UQCC1: variants seen among roughly 807,000 people sequenced by gnomAD.
UQCC1 encodes the protein ubiquinol-cytochrome c reductase complex assembly factor 1.
UQCC1 carries 38 observed loss-of-function variants against 48.0 expected under a neutral mutation model. The ratio of observed to expected loss-of-function variants is 0.79; its 90% CI spans 0.61 to 1.04. The LOEUF is 1.04. Ranked by LOEUF, UQCC1 falls within the 50% of genes least tolerant of loss-of-function variation. The pLI, the probability that UQCC1 is intolerant of heterozygous loss-of-function variation, is 0.00. For missense variants in UQCC1, 368 were observed against 381.8 expected, an observed-to-expected ratio of 0.96 and a Z score of 0.30; for synonymous variants, 111 against 129.2, an observed-to-expected ratio of 0.86 and a Z score of 0.95.
chr20:35,308,066 G>A (rs1007218468), intron 8 of UQCC1, among the ~76,000 whole-genome samples: 1 of 152,218 alleles, frequency 6.6e-6, no homozygotes, highest in Non-Finnish European at 1.5e-5. Context: ...AAAGACCCAG[G>A]ATCACTTTAT....
intron 4 of UQCC1, among the ~76,000 whole-genome samples, chr20:35,378,594 C>T (rs1163710492): frequency 1.3e-5 from 2 of 152,160 alleles, no homozygotes; most frequent in Non-Finnish European, 2.9e-5. Context: ...CGCGCCACTG[C>T]ACTCCAGCCT....
chr20:35,382,878 C>T (rs1449798072), intron 3 of UQCC1, among the ~76,000 whole-genome samples: 1 of 151,850 alleles, frequency 6.6e-6, no homozygotes, highest in African/African-American at 2.4e-5. Flanking sequence ...TAATAGATGC[C>T]CTCCAAATTT....
chr20:35,332,702 G>A (rs2061270337), intron 7 of UQCC1, among the ~76,000 whole-genome samples: 1 of 152,258 alleles, frequency 6.6e-6, no homozygotes, highest in Admixed American at 6.5e-5. Context: ...CCTGGGGAAT[G>A]CCTAGGTCTT....
chr20:35,354,275 T>C (rs759010151), intron 6 of UQCC1, among the ~76,000 whole-genome samples: 1 of 152,198 alleles, frequency 6.6e-6, no homozygotes, highest in Non-Finnish European at 1.5e-5. Flanking sequence ...CTAAAGATTA[T>C]ACCTGCCTTT....
chr20:35,375,320 G>A (rs1397504575), intron 4 of UQCC1, among the ~76,000 whole-genome samples: 1 of 152,114 alleles, frequency 6.6e-6, no homozygotes, highest in Non-Finnish European at 1.5e-5. Context: ...GTTAAAGCAA[G>A]TGTCTCTGAT....
intron 7 of UQCC1, among the ~76,000 whole-genome samples, chr20:35,333,972 G>T (rs1031124431): frequency 1.3e-5 from 2 of 152,186 alleles, no homozygotes; most frequent in Non-Finnish European, 2.9e-5. Context: ...GGGCTGGGAA[G>T]GGGGCAGTTT....
intron 1 of UQCC1, among the ~76,000 whole-genome samples, chr20:35,399,959 T>C (rs2062138283): frequency 7.4e-6 from 1 of 135,744 alleles, no homozygotes; most frequent in Non-Finnish European, 1.6e-5. Flanking sequence ...GGAGTCTTAC[T>C]CTGTCACCCA....
intron 1 of UQCC1, among the ~76,000 whole-genome samples, chr20:35,401,095 T>TG (rs1336972985): frequency 6.6e-6 from 1 of 152,194 alleles, no homozygotes; most frequent in East Asian, 1.9e-4. Flanking sequence ...CTAAAGGAAA[T>TG]GCCAGACTTA....
At chr20:35,333,601 C>T (rs1402635321) in intron 7 of UQCC1, among the ~76,000 whole-genome samples, 1 of 152,166 alleles carries the variant, frequency 6.6e-6, no homozygotes, top group Non-Finnish European at 1.5e-5. Context: ...ATGTTACACA[C>T]ATACACATGC....
chr20:35,404,041 T>C (rs1356824501), intron 1 of UQCC1, among the ~76,000 whole-genome samples: 1 of 148,798 alleles, frequency 6.7e-6, no homozygotes, highest in East Asian at 2.0e-4. Context: ...ATCGAGACCA[T>C]CCTGGCTAAC....
chr20:35,405,533 AAAGAGATTTTTAACT>A (rs1198028680), intron 1 of UQCC1, among the ~76,000 whole-genome samples: 1 of 152,272 alleles, frequency 6.6e-6, no homozygotes, highest in Non-Finnish European at 1.5e-5. Context: ...GGCAGCAGAC[AAAGAGATTTTTAACT>A]ATTTCAAATA....
chr20:35,357,609 T>C (rs573268119), intron 6 of UQCC1, among the ~76,000 whole-genome samples: 4 of 148,212 alleles, frequency 2.7e-5, no homozygotes, highest in South Asian at 2.1e-4. Flanking sequence ...GAGGTGGAGG[T>C]TGCAGTGAGC....
chr20:35,379,185 A>G (rs530749773), intron 4 of UQCC1, among the ~76,000 whole-genome samples: 9 of 152,222 alleles, frequency 5.9e-5, no homozygotes, highest in South Asian at 2.1e-4. Context: ...AGATACTCAA[A>G]TAGGTAAGGG....
At chr20:35,404,701 AAAAG>A (rs1234354113) in intron 1 of UQCC1, among the ~76,000 whole-genome samples, 1 of 150,660 alleles carries the variant, frequency 6.6e-6, no homozygotes, top group African/African-American at 2.4e-5. Flanking sequence ...AAAAAAAAAA[AAAAG>A]AACTGGCATT....
chr20:35,389,019 T>C (rs1226826235), intron 2 of UQCC1, among the ~76,000 whole-genome samples: 2 of 151,574 alleles, frequency 1.3e-5, no homozygotes, highest in African/African-American at 4.9e-5. Flanking sequence ...TGAGCCAAGA[T>C]CGCACCACTG....
At chr20:35,363,922 G>A (rs1294669482) in intron 6 of UQCC1, among the ~76,000 whole-genome samples, 1 of 152,178 alleles carries the variant, frequency 6.6e-6, no homozygotes, top group Admixed American at 6.5e-5. Context: ...ACAGACTTGG[G>A]GTGGATCCAT....
intron 7 of UQCC1, among the ~76,000 whole-genome samples, chr20:35,319,856 G>A (rs1382047657): frequency 6.6e-6 from 1 of 152,136 alleles, no homozygotes; most frequent in Non-Finnish European, 1.5e-5. Flanking sequence ...CCTTTTCACT[G>A]TTGCTGCCTT....
intron 7 of UQCC1, among the ~76,000 whole-genome samples, chr20:35,334,316 A>C (rs1389519326): frequency 6.6e-6 from 1 of 152,204 alleles, no homozygotes; most frequent in Non-Finnish European, 1.5e-5. Context: ...TGAGTCTGTA[A>C]ATATCAGACA....
intron 7 of UQCC1, among the ~76,000 whole-genome samples, chr20:35,338,775 G>A (rs1037435177): frequency 1.4e-5 from 2 of 146,176 alleles, no homozygotes; most frequent in Non-Finnish European, 3.0e-5. Context: ...AACCCGGGAG[G>A]TGGAGGTTGC....
Sources: allele counts gnomAD v4.1 joint callset (sites outside exome capture counted in the v4.1 genomes callset), GRCh38; gene constraint gnomAD v4.1.1; transcripts MANE v1.5; gene names NCBI Gene and HGNC (gene_info 2026-07-23, HGNC 2026-07-21).